Variants in SOX5 observed in about 807,000 individuals in gnomAD.
The protein encoded by SOX5 is SRY-box transcription factor 5, also known as transcription factor SOX-5.
Under a neutral mutation model 92.0 loss-of-function variants are expected in SOX5, and 9 were observed. That is an observed-to-expected ratio of 0.10 (90% CI 0.06 to 0.17). The LOEUF is 0.17. Among genes scored for constraint, SOX5 ranks in the 10% least tolerant of loss-of-function variants. The pLI is 1.00. For missense variants in SOX5, 642 were observed against 944.5 expected, an observed-to-expected ratio of 0.68 and a Z score of 4.20; for synonymous variants, 344 against 336.3, an observed-to-expected ratio of 1.02 and a Z score of -0.25.
chr12:23,965,314 C>T (rs1947427157), intron 4 of SOX5, among the ~76,000 whole-genome samples: 2 of 152,168 alleles, frequency 1.3e-5, no homozygotes, highest in East Asian at 1.9e-4. Context: ...GCCTGCACTA[C>T]GTTTGAGGCG....
intron 8 of SOX5, among the ~76,000 whole-genome samples, chr12:23,619,840 T>C (rs948250055): frequency 5.9e-5 from 9 of 152,144 alleles, no homozygotes; most frequent in African/African-American, 1.2e-4. Flanking sequence ...TAATGCAATA[T>C]GGAGAAAGCT....
chr12:23,673,963 C>T (rs942632296), intron 6 of SOX5, among the ~76,000 whole-genome samples: 15 of 152,014 alleles, frequency 9.9e-5, no homozygotes, highest in Admixed American at 2.6e-4. Flanking sequence ...TAAAAAACAA[C>T]TTACAAAAAT....
intron 4 of SOX5, among the ~76,000 whole-genome samples, chr12:24,121,046 G>C (rs1219944733): frequency 6.6e-6 from 1 of 152,138 alleles, no homozygotes; most frequent in African/African-American, 2.4e-5. Flanking sequence ...GGCACATTTT[G>C]GGATCACTGA....
chr12:24,456,348 C>T (rs1943019529), intron 1 of SOX5, among the ~76,000 whole-genome samples: 1 of 152,108 alleles, frequency 6.6e-6, no homozygotes, highest in South Asian at 2.1e-4. Flanking sequence ...AACAAAATCA[C>T]ATTTGAGCTT....
intron 4 of SOX5, among the ~76,000 whole-genome samples, chr12:24,192,170 T>C (rs1487207898): frequency 6.6e-6 from 1 of 152,192 alleles, no homozygotes; most frequent in South Asian, 2.1e-4. Context: ...AAGCAACTTA[T>C]TAGTTTGGAA....
At chr12:24,144,218 A>C (rs576187687) in intron 4 of SOX5, among the ~76,000 whole-genome samples, 1 of 152,312 alleles carries the variant, frequency 6.6e-6, no homozygotes, top group East Asian at 1.9e-4. Flanking sequence ...AACCTTGGAA[A>C]AGTTAGATAT....
chr12:24,544,342 C>A (rs759943531), intron 1 of SOX5, among the ~76,000 whole-genome samples: 2 of 152,020 alleles, frequency 1.3e-5, no homozygotes, highest in Non-Finnish European at 2.9e-5. Flanking sequence ...TTCAGTTTTT[C>A]TATTGCTGAG....
At chr12:24,530,382 G>T (rs1393937375) in intron 1 of SOX5, among the ~76,000 whole-genome samples, 1 of 152,096 alleles carries the variant, frequency 6.6e-6, no homozygotes, top group African/African-American at 2.4e-5. Flanking sequence ...GAAAAAACTG[G>T]GTTGGGATAT....
intron 4 of SOX5, among the ~76,000 whole-genome samples, chr12:24,058,703 C>T (rs775009373): frequency 1.3e-5 from 2 of 152,050 alleles, no homozygotes; most frequent in Non-Finnish European, 2.9e-5. Context: ...AGTCTAAAAG[C>T]TACAGTTTAG....
chr12:24,179,952 A>G (rs1490435805), intron 4 of SOX5, among the ~76,000 whole-genome samples: 1 of 150,544 alleles, frequency 6.6e-6, no homozygotes, highest in Non-Finnish European at 1.5e-5. Context: ...TTAAAAAAAA[A>G]AAAGAAAAGA....
chr12:24,221,738 C>G (rs1960491738), intron 3 of SOX5, among the ~76,000 whole-genome samples: 1 of 152,194 alleles, frequency 6.6e-6, no homozygotes, highest in Non-Finnish European at 1.5e-5. Flanking sequence ...TAAATAGCAA[C>G]AAGTGCTTTG....
chr12:24,199,474 T>A (rs1181999397), intron 4 of SOX5, among the ~76,000 whole-genome samples: 2 of 152,166 alleles, frequency 1.3e-5, no homozygotes, highest in Non-Finnish European at 2.9e-5. Context: ...TGACTTCTAA[T>A]GAAAAGGGTG....
At chr12:24,137,644 CA>C (rs1365229352) in intron 4 of SOX5, among the ~76,000 whole-genome samples, 1 of 151,832 alleles carries the variant, frequency 6.6e-6, no homozygotes, top group Non-Finnish European at 1.5e-5. Flanking sequence ...AAAACAAAAA[CA>C]AAAACAAAAA....
chr12:24,311,090 T>C (rs74068502), intron 2 of SOX5, among the ~76,000 whole-genome samples: 2,156 of 152,232 alleles, frequency 0.014, 51 homozygotes, highest in African/African-American at 0.05. Flanking sequence ...CACCTGAAAG[T>C]TCATAAGACC....
Position 23,534,203 on chromosome 12 carries a change from A to T in SOX5, c.*16T>A. 3 of 1,609,238 alleles carry T rather than the reference A, an allele frequency of 1.9e-6. No individual in the cohort carries two copies. The highest frequency in any genetic ancestry group is 2.5e-6 in the Non-Finnish European group (3 of 1,176,590). On this transcript the variant is annotated 3_prime_UTR_variant, in exon 15 of 15. Transcript: ENST00000451604. ...CTTCTTTAAGTCCTAAGGTCACAAC[A>T]ATCTTTTGACCCTTATCAGTTGGCT...
intron 1 of SOX5, among the ~76,000 whole-genome samples, chr12:24,485,691 T>G (rs1474538431): frequency 3.9e-5 from 6 of 152,180 alleles, no homozygotes; most frequent in African/African-American, 1.4e-4. Flanking sequence ...ACTATTACTA[T>G]TATGTACTTT....
At chr12:23,866,112 C>T (rs1219132935) in intron 2 of SOX5, among the ~76,000 whole-genome samples, 1 of 152,108 alleles carries the variant, frequency 6.6e-6, no homozygotes, top group Non-Finnish European at 1.5e-5. Context: ...GAAATAACAA[C>T]AAAGTATTTA....
chr12:24,203,012 CT>C (rs1957678595), intron 4 of SOX5, among the ~76,000 whole-genome samples: 2 of 152,100 alleles, frequency 1.3e-5, no homozygotes, highest in South Asian at 4.1e-4. Flanking sequence ...TGATTCTTGC[CT>C]GAAACTATTA....
chr12:24,419,183 C>T (rs1965522969), intron 1 of SOX5, among the ~76,000 whole-genome samples: 1 of 152,032 alleles, frequency 6.6e-6, no homozygotes, highest in African/African-American at 2.4e-5. Flanking sequence ...CAGTGAAGTA[C>T]AGTGGCACCA....
Sources: gnomAD v4.1 joint callset for allele counts (sites outside exome capture counted in the v4.1 genomes callset) on GRCh38, gnomAD v4.1.1 for gene constraint, MANE v1.5 for transcripts, NCBI Gene and HGNC (gene_info 2026-07-23, HGNC 2026-07-21) for gene names.